Variants in TENM3 observed in about 807,000 individuals in gnomAD.
TENM3 encodes teneurin-3.
Under a neutral mutation model 255.1 loss-of-function variants are expected in TENM3, and 63 were observed. The observed-to-expected ratio is 0.25, with a 90% CI of 0.20 to 0.30. The LOEUF (loss-of-function observed/expected upper bound fraction) is 0.30, where lower values mean the gene tolerates loss of function less well. Among genes scored for constraint, TENM3 ranks in the 10% least tolerant of loss-of-function variants. TENM3 has a pLI of 1.00. For missense variants in TENM3, 2,929 were observed against 3,461.1 expected (o/e 0.85, Z 3.86); for synonymous variants, 1,306 against 1,322.3 (o/e 0.99, Z 0.27).
the TENM3 span, among the ~76,000 whole-genome samples, chr4:181,667,964 C>T: frequency 6.6e-6 from 1 of 152,124 alleles, no homozygotes; most frequent in Non-Finnish European, 1.5e-5. Context: ...TAGAGAGCTT[C>T]CACTTAATGT....
At chr4:181,946,848 A>T in the TENM3 span, among the ~76,000 whole-genome samples, 1 of 152,304 alleles carries the variant, frequency 6.6e-6, no homozygotes, top group East Asian at 1.9e-4. Flanking sequence ...AGAAAATCTC[A>T]TAGAAAATCC....
chr4:182,615,989 T>C (rs368956633), intron 4 of TENM3, among the ~76,000 whole-genome samples: 2 of 152,218 alleles, frequency 1.3e-5, no homozygotes, highest in East Asian at 1.9e-4. Flanking sequence ...TCTCAGAGTG[T>C]GGTTCCTGGA....
At chr4:181,493,204 G>T in the TENM3 span, among the ~76,000 whole-genome samples, 2 of 151,612 alleles carry the variant, frequency 1.3e-5, no homozygotes, top group South Asian at 4.2e-4. Context: ...GCTAAGGCAG[G>T]TGGATCACTT....
chr4:182,174,053 T>C (rs1274182294), intron 1 of TENM3, among the ~76,000 whole-genome samples: 1 of 149,294 alleles, frequency 6.7e-6, no homozygotes, highest in African/African-American at 2.4e-5. Flanking sequence ...TTTATGCAAA[T>C]TGATAACTAA....
intron 3 of TENM3, among the ~76,000 whole-genome samples, chr4:182,538,152 C>G (rs902618298): frequency 6.6e-6 from 1 of 152,048 alleles, no homozygotes; most frequent in Non-Finnish European, 1.5e-5. Flanking sequence ...TTCAGGCATC[C>G]GCACGTCTCT....
chr4:181,740,645 A>T, the TENM3 span, among the ~76,000 whole-genome samples: 3 of 152,144 alleles, frequency 2.0e-5, no homozygotes, highest in Non-Finnish European at 4.4e-5. Flanking sequence ...CTTGAAAATG[A>T]TAAAAATTAC....
At chr4:181,595,035 T>G in the TENM3 span, among the ~76,000 whole-genome samples, 2 of 152,242 alleles carry the variant, frequency 1.3e-5, no homozygotes, top group Middle Eastern at 3.4e-3. Context: ...GCCATTATAT[T>G]CTCTTTTCTG....
At chr4:182,700,921 T>TA (rs1043738886) in intron 12 of TENM3, among the ~76,000 whole-genome samples, 5 of 152,080 alleles carry the variant, frequency 3.3e-5, no homozygotes, top group African/African-American at 1.2e-4. Flanking sequence ...CACCTCTTTT[T>TA]AAAAAAGTCT....
the TENM3 span, among the ~76,000 whole-genome samples, chr4:181,860,213 C>T: frequency 6.6e-6 from 1 of 152,212 alleles, no homozygotes; most frequent in Non-Finnish European, 1.5e-5. Context: ...GCCTTAAGCG[C>T]CTGTTAACTA....
chr4:182,447,098 T>C (rs932787813), intron 3 of TENM3, among the ~76,000 whole-genome samples: 4 of 152,192 alleles, frequency 2.6e-5, no homozygotes, highest in African/African-American at 9.7e-5. Context: ...GTCAAAGGAA[T>C]GTCTAAATTT....
At chr4:181,901,695 G>T in the TENM3 span, among the ~76,000 whole-genome samples, 3 of 152,042 alleles carry the variant, frequency 2.0e-5, no homozygotes, top group Admixed American at 6.6e-5. Flanking sequence ...CTTTCCAGCT[G>T]CCCGCTAAAT....
chr4:182,242,384 G>T (rs974076918), upstream of TENM3, among the ~76,000 whole-genome samples: 1 of 152,036 alleles, frequency 6.6e-6, no homozygotes, highest in Non-Finnish European at 1.5e-5. Context: ...CAAAGGACAT[G>T]AACTCATCCT....
chr4:181,538,167 A>T, the TENM3 span, among the ~76,000 whole-genome samples: 1 of 151,204 alleles, frequency 6.6e-6, no homozygotes, highest in Non-Finnish European at 1.5e-5. Flanking sequence ...ATAATATTTC[A>T]AATGTTAAAA....
the TENM3 span, among the ~76,000 whole-genome samples, chr4:181,690,511 G>A: frequency 2.6e-5 from 4 of 151,802 alleles, no homozygotes; most frequent in Non-Finnish European, 4.4e-5. Flanking sequence ...ATAAATAATT[G>A]TCTTTTCTGA....
intron 1 of TENM3, among the ~76,000 whole-genome samples, chr4:182,305,516 A>G (rs1443587822): frequency 6.6e-6 from 1 of 152,246 alleles, no homozygotes; most frequent in East Asian, 1.9e-4. Context: ...TCCCCAGATC[A>G]TGGAAGAGAG....
the TENM3 span, among the ~76,000 whole-genome samples, chr4:181,746,557 A>G: frequency 6.6e-6 from 1 of 152,134 alleles, no homozygotes; most frequent in Non-Finnish European, 1.5e-5. Flanking sequence ...TAAGGAAAAA[A>G]ATTGAAAAAT....
At chr4:182,780,873 A>G (rs1765110736) in intron 24 of TENM3, among the ~76,000 whole-genome samples, 2 of 150,102 alleles carry the variant, frequency 1.3e-5, no homozygotes, top group Non-Finnish European at 2.9e-5. Flanking sequence ...TTGTTGGTGT[A>G]TAAGAATGCT....
At chr4:182,701,923 T>C (rs1404701158) in intron 12 of TENM3, among the ~76,000 whole-genome samples, 1 of 152,204 alleles carries the variant, frequency 6.6e-6, no homozygotes, top group Non-Finnish European at 1.5e-5. Flanking sequence ...ATGAAAAATC[T>C]TTAGCAAACT....
At chr4:182,616,599 T>C (rs1190334162) in intron 4 of TENM3, among the ~76,000 whole-genome samples, 1 of 130,976 alleles carries the variant, frequency 7.6e-6, no homozygotes, top group Non-Finnish European at 1.6e-5. Context: ...AAAAGATAGG[T>C]AACTGCAGAA....
Sources: gnomAD v4.1 joint callset for allele counts (sites outside exome capture counted in the v4.1 genomes callset) on GRCh38, gnomAD v4.1.1 for gene constraint, MANE v1.5 for transcripts, NCBI Gene and HGNC (gene_info 2026-07-23, HGNC 2026-07-21) for gene names.